COG5: variants seen among roughly 807,000 people sequenced by gnomAD.
COG5 encodes component of oligomeric golgi complex 5, also known as conserved oligomeric Golgi complex subunit 5.
COG5 carries 86 observed loss-of-function variants against 110.4 expected under a neutral mutation model. The ratio of observed to expected loss-of-function variants is 0.78; its 90% CI spans 0.65 to 0.93. COG5 has a LOEUF of 0.93. Among genes scored for constraint, COG5 ranks in the 40% least tolerant of loss-of-function variants. The probability of loss-of-function intolerance (pLI) is 0.00; values close to 1 mark genes in which losing one functional copy is unlikely to be tolerated. For synonymous variants in COG5, 360 were observed against 334.6 expected (o/e 1.08, Z -0.83); for missense variants, 1,077 against 987.0 (o/e 1.09, Z -1.22).
intron 7 of COG5, among the ~76,000 whole-genome samples, chr7:107,382,797 T>C (rs1363657462): frequency 2.5e-4 from 38 of 152,194 alleles, no homozygotes; most frequent in Non-Finnish European, 2.9e-5. Context: ...ACATGAGGAC[T>C]GGAGACAGAG....
intron 11 of COG5, among the ~76,000 whole-genome samples, chr7:107,313,889 G>A (rs1044276590): frequency 2.0e-5 from 3 of 152,088 alleles, no homozygotes; most frequent in Non-Finnish European, 4.4e-5. Flanking sequence ...TCTTTGGAAG[G>A]ACTATTATTC....
At chr7:107,490,881 G>T (rs1797935843) in intron 6 of COG5, among the ~76,000 whole-genome samples, 1 of 152,056 alleles carries the variant, frequency 6.6e-6, no homozygotes, top group Admixed American at 6.6e-5. Context: ...AGCCTCTAAA[G>T]TATTAGTAAA....
At chr7:107,352,842 A>G (rs1812284953) in intron 10 of COG5, among the ~76,000 whole-genome samples, 1 of 152,242 alleles carries the variant, frequency 6.6e-6, no homozygotes, top group Non-Finnish European at 1.5e-5. Context: ...CTTCTGGCTT[A>G]GAAAATCAAA....
At chr7:107,434,713 G>A (rs1794247303) in intron 6 of COG5, among the ~76,000 whole-genome samples, 1 of 152,228 alleles carries the variant, frequency 6.6e-6, no homozygotes, top group African/African-American at 2.4e-5. Context: ...GCTCACGCCT[G>A]TAATCCCAGC....
At chr7:107,472,399 G>A (rs1796689603) in intron 6 of COG5, 1 of 151,920 alleles carries the variant, frequency 6.6e-6, no homozygotes, top group Non-Finnish European at 1.5e-5. Flanking sequence ...ACAGCAAACA[G>A]GTAGGTCAGA....
At chr7:107,243,948 A>T (rs749043056) in intron 17 of COG5, among the ~76,000 whole-genome samples, 9 of 152,144 alleles carry the variant, frequency 5.9e-5, no homozygotes, top group Non-Finnish European at 1.0e-4. Flanking sequence ...TTAAGGCAGA[A>T]GTCAAGAAGT....
chr7:107,330,850 T>C (rs917863162), intron 10 of COG5, among the ~76,000 whole-genome samples: 1 of 144,374 alleles, frequency 6.9e-6, no homozygotes, highest in Non-Finnish European at 1.5e-5. Flanking sequence ...TGAGACAGAG[T>C]CTCACCCTGT....
At chr7:107,399,895 TAA>T (rs1791300970) in intron 7 of COG5, among the ~76,000 whole-genome samples, 2 of 152,226 alleles carry the variant, frequency 1.3e-5, no homozygotes, top group African/African-American at 4.8e-5. Flanking sequence ...TGGCTAAAAT[TAA>T]AAAGACTGCT....
intron 6 of COG5, among the ~76,000 whole-genome samples, chr7:107,437,179 C>T (rs962347552): frequency 6.6e-6 from 1 of 152,058 alleles, no homozygotes; most frequent in Non-Finnish European, 1.5e-5. Flanking sequence ...ATTTAAAAAC[C>T]ATGAATTTTT....
chr7:107,387,706 T>G (rs1246750904), intron 7 of COG5, among the ~76,000 whole-genome samples: 1 of 152,190 alleles, frequency 6.6e-6, no homozygotes, highest in African/African-American at 2.4e-5. Flanking sequence ...AGCAGTCTGG[T>G]GGAGACCACA....
At chr7:107,457,172 T>C (rs544289178) in intron 6 of COG5, among the ~76,000 whole-genome samples, 12 of 151,842 alleles carry the variant, frequency 7.9e-5, no homozygotes, top group African/African-American at 1.5e-4. Flanking sequence ...AAGAAACACA[T>C]GAATAGAGAG....
At chr7:107,317,179 T>C (rs1414324957) in intron 11 of COG5, among the ~76,000 whole-genome samples, 1 of 152,000 alleles carries the variant, frequency 6.6e-6, no homozygotes, top group Non-Finnish European at 1.5e-5. Flanking sequence ...AGGAAACAAA[T>C]GAGATGAACC....
At chr7:107,249,084 C>A (rs191722593) in intron 16 of COG5, among the ~76,000 whole-genome samples, 3 of 152,138 alleles carry the variant, frequency 2.0e-5, no homozygotes, top group East Asian at 3.9e-4. Flanking sequence ...GCTCTTTCCC[C>A]TGCTCCCACC....
At chr7:107,492,298 T>C (rs887034694) in intron 6 of COG5, among the ~76,000 whole-genome samples, 20 of 152,040 alleles carry the variant, frequency 1.3e-4, no homozygotes, top group Non-Finnish European at 2.1e-4. Flanking sequence ...ACTCTTTCCA[T>C]GTAACTGACG....
intron 6 of COG5, among the ~76,000 whole-genome samples, chr7:107,420,953 G>A (rs1021933690): frequency 7.2e-5 from 11 of 151,786 alleles, no homozygotes; most frequent in African/African-American, 2.7e-4. Context: ...CTTCTTTTTT[G>A]TGTCTCTCAC....
intron 11 of COG5, among the ~76,000 whole-genome samples, chr7:107,311,233 C>G (rs981607324): frequency 6.6e-6 from 1 of 152,140 alleles, no homozygotes; most frequent in Non-Finnish European, 1.5e-5. Context: ...ATGTGTGAGA[C>G]TGACTTTTCC....
At chr7:107,387,858 T>A (rs527887085) in intron 7 of COG5, among the ~76,000 whole-genome samples, 1 of 152,250 alleles carries the variant, frequency 6.6e-6, no homozygotes, top group African/African-American at 2.4e-5. Flanking sequence ...TGCAGAACCT[T>A]GAAACAGCCT....
At chr7:107,488,866 A>T (rs58264210) in intron 6 of COG5, among the ~76,000 whole-genome samples, 4,373 of 148,300 alleles carry the variant, frequency 0.029, 198 homozygotes, top group African/African-American at 0.097. Context: ...ATAAAAAATT[A>T]AAAAAAAAAT....
chr7:107,393,192 C>G (rs1266986604), intron 7 of COG5, among the ~76,000 whole-genome samples: 1 of 152,214 alleles, frequency 6.6e-6, no homozygotes, highest in East Asian at 1.9e-4. Flanking sequence ...CTTCAATTCA[C>G]TGCTCATCTT....
Sources: allele counts gnomAD v4.1 joint callset (sites outside exome capture counted in the v4.1 genomes callset), GRCh38; gene constraint gnomAD v4.1.1; transcripts MANE v1.5; gene names NCBI Gene and HGNC (gene_info 2026-07-23, HGNC 2026-07-21).